DOCK4: variants seen among roughly 807,000 people sequenced by gnomAD.
DOCK4 encodes dedicator of cytokinesis 4, also known as dedicator of cytokinesis protein 4.
DOCK4 carries 97 observed loss-of-function variants against 268.1 expected under a neutral mutation model. The ratio of observed to expected loss-of-function variants is 0.36; its 90% CI spans 0.31 to 0.43. The LOEUF (loss-of-function observed/expected upper bound fraction) is 0.43, where lower values mean the gene tolerates loss of function less well. Ranked by LOEUF, DOCK4 falls within the 20% of genes least tolerant of loss-of-function variation. DOCK4 has a pLI of 1.00. For missense variants in DOCK4, 2,145 were observed against 2,455.7 expected (o/e 0.87, Z 2.67); for synonymous variants, 954 against 887.2 (o/e 1.08, Z -1.34).
intron 1 of DOCK4, among the ~76,000 whole-genome samples, chr7:112,201,959 C>T (rs1388172826): frequency 6.6e-6 from 1 of 152,142 alleles, no homozygotes; most frequent in Non-Finnish European, 1.5e-5. Flanking sequence ...CTTTCTGTGC[C>T]AGACTTACAC....
At chr7:111,816,937 A>T (rs1314178153) in intron 27 of DOCK4, among the ~76,000 whole-genome samples, 1 of 152,238 alleles carries the variant, frequency 6.6e-6, no homozygotes, top group Non-Finnish European at 1.5e-5. Flanking sequence ...GCTTTCAGTC[A>T]ATGGGGCACG....
chr7:112,038,291 T>C (rs1804026246), intron 1 of DOCK4, among the ~76,000 whole-genome samples: 1 of 152,226 alleles, frequency 6.6e-6, no homozygotes, highest in Non-Finnish European at 1.5e-5. Context: ...CATTATTTGT[T>C]GTTTGGGGGA....
chr7:111,876,326 G>T (rs968848802), intron 17 of DOCK4, among the ~76,000 whole-genome samples: 1 of 152,104 alleles, frequency 6.6e-6, no homozygotes, highest in Non-Finnish European at 1.5e-5. Flanking sequence ...TTCTACAAAT[G>T]CTGTTCTCTG....
chr7:112,163,864 A>T (rs917697567), intron 1 of DOCK4, among the ~76,000 whole-genome samples: 4 of 152,188 alleles, frequency 2.6e-5, no homozygotes, highest in African/African-American at 9.7e-5. Flanking sequence ...GGGGCTAAGC[A>T]AGCACACACA....
intron 27 of DOCK4, chr7:111,819,289 A>C (rs2133951523): frequency 6.6e-6 from 1 of 152,296 alleles, no homozygotes; most frequent in East Asian, 1.9e-4. Flanking sequence ...CACAATGTGT[A>C]TGGGAAGGGG....
chr7:112,118,471 A>G (rs1035404781), intron 1 of DOCK4, among the ~76,000 whole-genome samples: 5 of 152,296 alleles, frequency 3.3e-5, no homozygotes, highest in African/African-American at 1.2e-4. Flanking sequence ...CAATCTACCC[A>G]AAGATACTAC....
At chr7:111,996,574 A>G (rs1475819339) in intron 4 of DOCK4, among the ~76,000 whole-genome samples, 1 of 152,148 alleles carries the variant, frequency 6.6e-6, no homozygotes, top group Non-Finnish European at 1.5e-5. Context: ...TCTTCCAGTA[A>G]CAGCCCTAGA....
chr7:112,021,334 A>G (rs1802300839), intron 1 of DOCK4, among the ~76,000 whole-genome samples: 1 of 152,236 alleles, frequency 6.6e-6, no homozygotes, highest in African/African-American at 2.4e-5. Context: ...TCTATATAGG[A>G]GACTAGGTAT....
chr7:111,991,163 T>C (rs1799494643), intron 5 of DOCK4, among the ~76,000 whole-genome samples: 2 of 152,238 alleles, frequency 1.3e-5, no homozygotes, highest in Admixed American at 6.5e-5. Context: ...TCATCTCTAG[T>C]ACTTAAGTTT....
intron 44 of DOCK4, 103 bp from the exon 45 acceptor site, chr7:111,742,235 G>T: frequency 8.3e-7 from 1 of 1,203,832 alleles, no homozygotes; most frequent in Non-Finnish European, 1.1e-6. Flanking sequence ...TTGCATTATT[G>T]CTAATCCTCT....
intron 13 of DOCK4, among the ~76,000 whole-genome samples, chr7:111,909,064 G>C (rs908345881): frequency 6.6e-6 from 1 of 152,118 alleles, no homozygotes; most frequent in African/African-American, 2.4e-5. Context: ...GGTATTTCTG[G>C]TTCTAGATCC....
chr7:112,200,383 C>T (rs544790092), intron 1 of DOCK4, among the ~76,000 whole-genome samples: 1 of 152,206 alleles, frequency 6.6e-6, no homozygotes, highest in East Asian at 1.9e-4. Context: ...GAGTAAGTCA[C>T]TTAAACTCTA....
rs772089686 is a variant in DOCK4, at chr7:111,998,523, G to A, written c.163-20C>T. 1.9e-6 allele frequency: 3 copies of A among 1,568,180 alleles called. No individual in the cohort carries two copies. The highest frequency in any genetic ancestry group is 1.7e-6 in the Non-Finnish European group (2 of 1,154,322). On this transcript the variant is annotated intron_variant, in intron 3 of 52. Transcript: ENST00000428084. ...TATACCCTGGAAAAGAAAACATGAA[G>A]GTTACGATGCCGGCTGTTAAGGCAG...
intron 13 of DOCK4, among the ~76,000 whole-genome samples, chr7:111,914,896 A>G (rs190830256): frequency 9.2e-4 from 140 of 152,332 alleles, no homozygotes; most frequent in African/African-American, 3.2e-3. Context: ...GTACATAGAA[A>G]GTGCTAAATA....
chr7:111,932,476 G>A lies in DOCK4; in HGVS notation c.1066+3064C>T, dbSNP rs1458477985. Among the ~76,000 whole-genome samples the A allele has an allele frequency of 2.6e-5, 4 of 152,192 alleles. No individual in the cohort carries two copies. The East Asian group carries it at 5.8e-4, about 22-fold the overall frequency. On this transcript the variant is annotated intron_variant, in intron 12 of 52. Transcript: ENST00000428084. ...TAATAGGCAGAAAGAAAGGAGCAGG[G>A]CATAATGGATTTGTTTGTGATCCAT...
At chr7:112,082,361 A>C (rs1161653785) in intron 1 of DOCK4, among the ~76,000 whole-genome samples, 1 of 152,144 alleles carries the variant, frequency 6.6e-6, no homozygotes, top group African/African-American at 2.4e-5. Flanking sequence ...GCAGCAAGCC[A>C]GGTAGGAAGT....
At chr7:111,742,171 A>G in intron 44 of DOCK4, 39 bp from the exon 45 acceptor site, 1 of 1,521,904 alleles carries the variant, frequency 6.6e-7, no homozygotes, top group Admixed American at 2.2e-5. Context: ...CACATCAATG[A>G]CTACCTCTCA....
chr7:111,864,489 G>C (rs752754500), intron 22 of DOCK4, among the ~76,000 whole-genome samples: 24 of 152,176 alleles, frequency 1.6e-4, no homozygotes, highest in Non-Finnish European at 2.8e-4. Context: ...GTACCAATGA[G>C]ATCTGACTCC....
chr7:112,131,633 CATTAT>C, intron 1 of DOCK4, among the ~76,000 whole-genome samples: 1 of 152,192 alleles, frequency 6.6e-6, no homozygotes, highest in East Asian at 1.9e-4. Context: ...GTGATACATA[CATTAT>C]TTATTCACTT....
Sources: allele counts gnomAD v4.1 joint callset (sites outside exome capture counted in the v4.1 genomes callset), GRCh38; gene constraint gnomAD v4.1.1; transcripts MANE v1.5; gene names NCBI Gene and HGNC (gene_info 2026-07-23, HGNC 2026-07-21).